The following SZRD1 variants were observed in gnomAD, a reference collection of about 807,000 sequenced individuals.
SZRD1 encodes SUZ RNA binding domain containing 1, also known as SUZ RNA-binding domain-containing.
SZRD1 carries 7 observed loss-of-function variants against 17.6 expected under a neutral mutation model. The observed-to-expected ratio is 0.40, with a 90% CI of 0.23 to 0.75. SZRD1 has a LOEUF of 0.75. Ranked by LOEUF, SZRD1 falls within the 30% of genes least tolerant of loss-of-function variation. SZRD1 has a pLI of 0.38. For synonymous variants in SZRD1, 77 were observed against 77.9 expected (o/e 0.99, Z 0.06); for missense variants, 178 against 201.8 (o/e 0.88, Z 0.71).
intron 1 of SZRD1, among the ~76,000 whole-genome samples, chr1:16,382,202 T>C (rs926737359): frequency 1.9e-4 from 29 of 151,442 alleles, no homozygotes; most frequent in African/African-American, 6.8e-4. Flanking sequence ...TTTTTTTTCT[T>C]TTTTGAGATG....
chr1:16,394,928 C>T, intron 3 of SZRD1, 110 bp from the exon 4 acceptor site: 1 of 689,468 alleles, frequency 1.5e-6, no homozygotes, highest in Non-Finnish European at 2.5e-6. Flanking sequence ...GCACTCCAAT[C>T]TAGGTGACAG....
In SZRD1 at chr1:16,376,972, C is replaced by T. The variant is rs114475276; in HGVS notation, c.51+9664C>T. Among the ~76,000 whole-genome samples, 706 of 152,156 alleles carry T rather than the reference C, an allele frequency of 4.6e-3. 7 individuals are homozygous for T. The highest frequency in any genetic ancestry group is 0.016 in the African/African-American group (660 of 41,498). On this transcript the variant is annotated intron_variant, in intron 1 of 3. Coordinates refer to ENST00000401088, the MANE Select transcript of SZRD1 (RefSeq NM_001114600.3). Reference sequence around the variant, plus strand: ...AGGTGCGTGAGCCACTGCACCTAGCCGGCAGGATTTTTAAATATTGAACTT... The same window carrying T: ...AGGTGCGTGAGCCACTGCACCTAGCTGGCAGGATTTTTAAATATTGAACTT...
In SZRD1 at chr1:16,397,853, G is replaced by A; in HGVS notation, c.*2713G>A. 3.2e-6 allele frequency: 1 copy of A among 309,246 alleles called. No homozygotes were observed. The highest frequency in any genetic ancestry group is 1.3e-4 in the South Asian group (1 of 7,848). The allele number at this position is 309,246 out of a possible 1,614,324, so 19.2% of individuals were successfully genotyped here. ...CCATACCCTGCTCTGCCCCATCTGG[G>A]GGTGCCCTGCTCAGGGATGGGCTGG... On this transcript the variant is annotated 3_prime_UTR_variant, in exon 4 of 4. Transcript: ENST00000401088. The surrounding 1 kb of genome is among the most constrained non-coding windows in gnomAD (Gnocchi z 5.4).
chr1:16,382,869 ATT>A (rs559453815), intron 1 of SZRD1, among the ~76,000 whole-genome samples: 3 of 140,670 alleles, frequency 2.1e-5, no homozygotes, highest in Non-Finnish European at 1.6e-5. Context: ...CACATGGATA[ATT>A]TTTTTTTTTT....
chr1:16,370,409 T>G (rs2082893863), intron 1 of SZRD1, among the ~76,000 whole-genome samples: 1 of 151,994 alleles, frequency 6.6e-6, no homozygotes, highest in Non-Finnish European at 1.5e-5. Flanking sequence ...GTATTTTTAG[T>G]AGAGACGGGG....
At chr1:16,389,858 A>G (rs1158126719) in intron 1 of SZRD1, among the ~76,000 whole-genome samples, 1 of 152,248 alleles carries the variant, frequency 6.6e-6, no homozygotes, top group Non-Finnish European at 1.5e-5. Flanking sequence ...GTGGTTCTTC[A>G]CATTTTGCAA....
chr1:16,392,545 G>A (rs2085236187), intron 2 of SZRD1, among the ~76,000 whole-genome samples: 1 of 152,158 alleles, frequency 6.6e-6, no homozygotes, highest in Admixed American at 6.5e-5. Context: ...CTGTTTCTAG[G>A]AGCATCCTTC....
chr1:16,390,599 A>G (rs748198532), intron 1 of SZRD1: 1 of 152,254 alleles, frequency 6.6e-6, no homozygotes, highest in Non-Finnish European at 1.5e-5. Flanking sequence ...CACAAACATA[A>G]GGCATAGGTT....
At chr1:16,371,298 C>T (rs987732068) in intron 1 of SZRD1, among the ~76,000 whole-genome samples, 1 of 151,366 alleles carries the variant, frequency 6.6e-6, no homozygotes, top group African/African-American at 2.4e-5. Context: ...AGGCAATCTC[C>T]ACCCGCCTCA....
At chr1:16,392,668 G>A (rs763324331) in intron 2 of SZRD1, among the ~76,000 whole-genome samples, 1 of 152,168 alleles carries the variant, frequency 6.6e-6, no homozygotes, top group Non-Finnish European at 1.5e-5. Flanking sequence ...TCTCTGGGAG[G>A]CACAGGTCAC....
At position 16,393,028 on chromosome 1, in the gene SZRD1, G is replaced by A. The variant is rs993738452; in HGVS notation, c.102-200G>A. ...GGCTGAGGAGCAGTTCCTGTGGCCT[G>A]TCAGAGCTGGTCGCAAGCTTACTTT... On this transcript the variant is annotated intron_variant, in intron 2 of 3. Coordinates refer to ENST00000401088, the MANE Select transcript of SZRD1 (RefSeq NM_001114600.3). This position sits in a 1 kb window ranked among gnomAD's most constrained non-coding sequence, Gnocchi z 5.6. Among the ~76,000 whole-genome samples, 3 of 152,178 alleles carry A rather than the reference G, an allele frequency of 2.0e-5. No homozygotes were observed. The highest frequency in any genetic ancestry group is 2.9e-5 in the Non-Finnish European group (2 of 68,024).
At chr1:16,382,394 G>A (rs148383759) in intron 1 of SZRD1, among the ~76,000 whole-genome samples, 1 of 151,926 alleles carries the variant, frequency 6.6e-6, no homozygotes, top group Admixed American at 6.6e-5. Flanking sequence ...CACCATGTTG[G>A]CCAGGCTGGT....
At chr1:16,386,254 G>C (rs765394030) in intron 1 of SZRD1, among the ~76,000 whole-genome samples, 1 of 152,216 alleles carries the variant, frequency 6.6e-6, no homozygotes, top group Non-Finnish European at 1.5e-5. Flanking sequence ...CAGTCACAGC[G>C]ATGGTTTTCT....
At chr1:16,371,465 T>C (rs80169190) in intron 1 of SZRD1, among the ~76,000 whole-genome samples, 2,960 of 136,868 alleles carry the variant, frequency 0.022, 105 homozygotes, top group African/African-American at 0.076. Flanking sequence ...TTTTTTCCCC[T>C]TTTTTTTTTT....
At chr1:16,367,509 T>G (rs1381025703) in intron 1 of SZRD1, among the ~76,000 whole-genome samples, 1 of 152,232 alleles carries the variant, frequency 6.6e-6, no homozygotes, top group African/African-American at 2.4e-5. Flanking sequence ...TTCCTTTGCC[T>G]GGTGCGCCTC....
chr1:16,392,567 G>A (rs558007486), intron 2 of SZRD1, among the ~76,000 whole-genome samples: 8 of 152,112 alleles, frequency 5.3e-5, no homozygotes, highest in Non-Finnish European at 1.2e-4. Flanking sequence ...CTCCAGCCCC[G>A]CCGCTGTCCA....
chr1:16,387,117 C>T (rs1321793733), intron 1 of SZRD1: 7 of 345,404 alleles, frequency 2.0e-5, no homozygotes, highest in East Asian at 1.5e-4. Flanking sequence ...TACATTATAT[C>T]GATATAAGGT....
chr1:16,378,960 CAG>C (rs1368650493), intron 1 of SZRD1, among the ~76,000 whole-genome samples: 1 of 151,796 alleles, frequency 6.6e-6, no homozygotes, highest in East Asian at 1.9e-4. Context: ...CTCCTGACCT[CAG>C]GGGATCCACC....
chr1:16,375,792 C>T (rs979538795), intron 1 of SZRD1, among the ~76,000 whole-genome samples: 2 of 152,088 alleles, frequency 1.3e-5, no homozygotes, highest in Non-Finnish European at 2.9e-5. Context: ...GGGGCCATGG[C>T]GATTAGATGA....
Sources: allele counts gnomAD v4.1 joint callset (sites outside exome capture counted in the v4.1 genomes callset), GRCh38; gene constraint gnomAD v4.1.1; non-coding constraint Gnocchi (gnomAD v3.1); transcripts MANE v1.5; gene names NCBI Gene and HGNC (gene_info 2026-07-23, HGNC 2026-07-21).